The following SEC23A variants were observed in gnomAD, a reference collection of about 807,000 sequenced individuals.
SEC23A encodes SEC23 homolog A, COPII component.
SEC23A carries 56 observed loss-of-function variants against 103.7 expected under a neutral mutation model. That is an observed-to-expected ratio of 0.54 (90% CI 0.44 to 0.67). The LOEUF (loss-of-function observed/expected upper bound fraction) is 0.67. Among genes scored for constraint, SEC23A ranks in the 30% least tolerant of loss-of-function variants. The probability of loss-of-function intolerance (pLI) is 0.00; values close to 1 mark genes in which losing one functional copy is unlikely to be tolerated. For missense variants in SEC23A, 784 were observed against 936.4 expected (o/e 0.84, Z 2.12); for synonymous variants, 281 against 293.0 (o/e 0.96, Z 0.42).
chr14:39,078,930 T>C (rs1887128362), intron 7 of SEC23A, among the ~76,000 whole-genome samples: 1 of 151,704 alleles, frequency 6.6e-6, no homozygotes, highest in South Asian at 2.1e-4. Flanking sequence ...AATTAAAGGG[T>C]CTACCAAAAC....
In SEC23A at chr14:39,063,343, T is replaced by C. The variant is rs1419685119; in HGVS notation, c.1379A>G (p.Tyr460Cys). 9.9e-6 allele frequency: 16 copies of C among 1,609,148 alleles called. No homozygotes were observed. In the East Asian group the frequency reaches 1.3e-4, roughly 13 times the overall value. ...TCATACCTGATTGACAACCTCAAAA[T>C]ATATGGCTAAGGTTGTAGTGGGACT... ...GLSPTTTLAI[Y>C]FEVVNQHNAP... The change falls in exon 12 of 20, where the codon TAT (tyrosine) becomes TGT (cysteine). Residue 460 changes from tyrosine (Y) to cysteine (C), a missense_variant. Tyr to Cys is a radical substitution (Grantham distance 194). Coordinates refer to ENST00000307712, the MANE Select transcript of SEC23A (RefSeq NM_006364.4).
intron 16 of SEC23A, among the ~76,000 whole-genome samples, chr14:39,044,438 A>C (rs1885760930): frequency 6.6e-6 from 1 of 151,630 alleles, no homozygotes; most frequent in South Asian, 2.1e-4. Context: ...GTAACGAAAT[A>C]AAATATTTTA....
chr14:39,066,477 TC>T, intron 10 of SEC23A, among the ~76,000 whole-genome samples: 3 of 143,634 alleles, frequency 2.1e-5, no homozygotes, highest in Non-Finnish European at 4.5e-5. Flanking sequence ...AACAGTTTCC[TC>T]TTTTTTTTTT....
chr14:39,100,323 A>C (rs964740268), intron 1 of SEC23A, among the ~76,000 whole-genome samples: 11 of 152,164 alleles, frequency 7.2e-5, no homozygotes, highest in African/African-American at 2.4e-4. Flanking sequence ...ATGCAATCTT[A>C]AAATCACGAA....
intron 19 of SEC23A, among the ~76,000 whole-genome samples, chr14:39,034,615 C>G (rs1885403688): frequency 6.6e-6 from 1 of 152,098 alleles, no homozygotes; most frequent in Non-Finnish European, 1.5e-5. Flanking sequence ...CTCAAGTCAC[C>G]CAATCTCAGA....
intron 13 of SEC23A, among the ~76,000 whole-genome samples, chr14:39,059,300 A>AAAAAAAAAAAAAAAAAAC (rs1886382869): frequency 2.0e-5 from 2 of 100,818 alleles, no homozygotes; most frequent in Non-Finnish European, 4.1e-5. Flanking sequence ...AAAAAAAAAA[A>AAAAAAAAAAAAAAAAAAC]AAAAAAAAAA....
intron 13 of SEC23A, among the ~76,000 whole-genome samples, chr14:39,058,028 A>C (rs1886307069): frequency 6.6e-6 from 1 of 152,246 alleles, no homozygotes; most frequent in South Asian, 2.1e-4. Context: ...ATAAAATAGC[A>C]GCAATTTATT....
chr14:39,065,059 G>C, intron 10 of SEC23A, 66 bp from the exon 11 acceptor site: 1 of 985,198 alleles, frequency 1.0e-6, no homozygotes, highest in Non-Finnish European at 1.6e-6. Context: ...AACTACAGGT[G>C]TATAAGAATA....
chr14:39,041,098 G>T (rs934935583), intron 17 of SEC23A: 11 of 491,652 alleles, frequency 2.2e-5, no homozygotes, highest in Non-Finnish European at 3.3e-5. Flanking sequence ...AAAGTAAAAT[G>T]AAAGAATACT....
At chr14:39,067,641 C>T (rs1886714884) in intron 9 of SEC23A, among the ~76,000 whole-genome samples, 1 of 149,542 alleles carries the variant, frequency 6.7e-6, no homozygotes, top group Non-Finnish European at 1.5e-5. Flanking sequence ...GGTAAAGGTA[C>T]CTGACAGTTT....
chr14:39,055,424 TTG>T (rs1886209350), intron 13 of SEC23A, 128 bp from the exon 14 acceptor site: 1 of 968,428 alleles, frequency 1.0e-6, no homozygotes, highest in South Asian at 1.6e-5. Context: ...TTTTTTTTTT[TTG>T]AGACAGAGTC....
chr14:39,086,752 A>C (rs1262086338), intron 6 of SEC23A, among the ~76,000 whole-genome samples, 177 bp downstream of exon 6: 1 of 152,240 alleles, frequency 6.6e-6, no homozygotes, highest in Non-Finnish European at 1.5e-5. Context: ...AAGACAAAAA[A>C]CAAACCATTT....
At chr14:39,041,409 C>CAAAAAAAATAAAAAAAAA (rs1885633025) in intron 17 of SEC23A, 1 of 14,638 alleles carries the variant, frequency 6.8e-5, no homozygotes, top group African/African-American at 2.2e-4. Flanking sequence ...AAAGAAAAAG[C>CAAAAAAAATAAAAAAAAA]AAAAAAAAAA....
intron 5 of SEC23A, among the ~76,000 whole-genome samples, chr14:39,089,165 CAAAAAAAAAAAAA>C (rs58732430): frequency 1.4e-5 from 1 of 69,358 alleles, no homozygotes; most frequent in African/African-American, 5.1e-5. Context: ...GACTCCGTGT[CAAAAAAAAAAAAA>C]AAAAGAAAAA....
intron 15 of SEC23A, among the ~76,000 whole-genome samples, 180 bp downstream of exon 15, chr14:39,048,472 G>A (rs1023038388): frequency 1.3e-5 from 2 of 151,862 alleles, no homozygotes; most frequent in African/African-American, 2.4e-5. Context: ...AAATTAGCTC[G>A]GCATGGTGGC....
chr14:39,090,478 G>C (rs1428309381), intron 5 of SEC23A, among the ~76,000 whole-genome samples: 2 of 152,200 alleles, frequency 1.3e-5, no homozygotes, highest in East Asian at 3.9e-4. Context: ...CCTTGGAAGA[G>C]AAAGCTTCAA....
At chr14:39,082,194 A>G (rs1055269514) in intron 7 of SEC23A, among the ~76,000 whole-genome samples, 47 of 152,162 alleles carry the variant, frequency 3.1e-4, no homozygotes, top group African/African-American at 9.6e-4. Context: ...GTTGTATAAA[A>G]TAAGAATGTA....
chr14:39,099,868 C>CT lies in SEC23A; in HGVS notation c.-22+3163dup, dbSNP rs538999949. Among the ~76,000 whole-genome samples, 658 of 149,026 alleles carry CT rather than the reference C, an allele frequency of 4.4e-3. 5 individuals are homozygous for CT. The highest frequency in any genetic ancestry group is 0.016 in the South Asian group (76 of 4,664). The stretch of plus-strand genomic sequence containing the variant: ...AAAACCCACCTGTCTTCTATTTAGC[C>CT]TTTTTTTTTTCTCTTTGGATACTCA... On this transcript the variant is annotated intron_variant, in intron 1 of 19. Transcript: ENST00000307712.
rs774130172 is a variant in SEC23A, at chr14:39,064,996, G to T, written c.1228-3C>A. The T allele has an allele frequency of 6.2e-7, 1 of 1,600,356 alleles. No homozygotes were observed. Among genetic ancestry groups the T allele is most frequent in the Admixed American group, 1.7e-5 (1 of 59,980 alleles). On this transcript the variant is annotated splice_polypyrimidine_tract_variant and splice_region_variant and intron_variant, in intron 10 of 19. Coordinates refer to ENST00000307712, the MANE Select transcript of SEC23A (RefSeq NM_006364.4). ...GAAATCTTTATTTCCCTTGAGGTCT[G>T]CAAAATAAGAATACAGCATGTTCGG... is the stretch of plus-strand genomic sequence containing the variant.
Sources: gnomAD v4.1 joint callset for allele counts (sites outside exome capture counted in the v4.1 genomes callset) on GRCh38, gnomAD v4.1.1 for gene constraint, MANE v1.5 for transcripts, NCBI Gene and HGNC (gene_info 2026-07-23, HGNC 2026-07-21) for gene names.